The following MDGA2 variants were observed in gnomAD, a reference collection of about 807,000 sequenced individuals.
MDGA2 encodes the protein MAM domain containing glycosylphosphatidylinositol anchor 2, also known as MAM domain-containing glycosylphosphatidylinositol anchor protein 2.
Under a neutral mutation model 117.8 loss-of-function variants are expected in MDGA2, and 40 were observed. The ratio of observed to expected loss-of-function variants is 0.34; its 90% CI spans 0.26 to 0.44. MDGA2 has a LOEUF of 0.44. Among genes scored for constraint, MDGA2 ranks in the 20% least tolerant of loss-of-function variants. MDGA2 has a pLI of 1.00. For missense variants in MDGA2, 1,123 were observed against 1,250.6 expected, an observed-to-expected ratio of 0.90 and a Z score of 1.54; for synonymous variants, 452 against 439.0, an observed-to-expected ratio of 1.03 and a Z score of -0.37.
chr14:47,635,747 T>C (rs1897310741), intron 1 of MDGA2, among the ~76,000 whole-genome samples: 1 of 152,216 alleles, frequency 6.6e-6, no homozygotes, highest in African/African-American at 2.4e-5. Context: ...GAATGTTTTA[T>C]AATCTTGCAA....
At chr14:46,856,584 T>C (rs1881277541) in intron 14 of MDGA2, among the ~76,000 whole-genome samples, 1 of 152,086 alleles carries the variant, frequency 6.6e-6, no homozygotes, top group Non-Finnish European at 1.5e-5. Context: ...TTGGTGAGTT[T>C]CCCTAAGCGT....
chr14:47,364,516 G>A (rs1055989574), intron 1 of MDGA2, among the ~76,000 whole-genome samples: 2 of 152,062 alleles, frequency 1.3e-5, no homozygotes, highest in East Asian at 3.9e-4. Flanking sequence ...CACCCGCCTC[G>A]GCCTCCCAAC....
At chr14:46,958,630 G>C (rs1885658052) in intron 8 of MDGA2, among the ~76,000 whole-genome samples, 1 of 152,240 alleles carries the variant, frequency 6.6e-6, no homozygotes, top group Non-Finnish European at 1.5e-5. Flanking sequence ...GTGGATAACA[G>C]TGTCAGTCAT....
At chr14:47,390,181 T>A (rs1054698108) in intron 1 of MDGA2, among the ~76,000 whole-genome samples, 1 of 152,186 alleles carries the variant, frequency 6.6e-6, no homozygotes, top group Non-Finnish European at 1.5e-5. Flanking sequence ...AATAAGGAAA[T>A]AAACTTTCTC....
intron 9 of MDGA2, among the ~76,000 whole-genome samples, chr14:46,923,714 G>A (rs1884220471): frequency 6.6e-6 from 1 of 151,924 alleles, no homozygotes; most frequent in Non-Finnish European, 1.5e-5. Context: ...TATTGGAAAA[G>A]GGCATCTTAA....
At chr14:47,382,866 A>T (rs1436324078) in intron 1 of MDGA2, among the ~76,000 whole-genome samples, 3 of 152,202 alleles carry the variant, frequency 2.0e-5, no homozygotes, top group Non-Finnish European at 4.4e-5. Flanking sequence ...ACATACCCAA[A>T]GGATTATAAA....
At chr14:47,018,878 A>G (rs1271685876) in intron 8 of MDGA2, among the ~76,000 whole-genome samples, 1 of 152,016 alleles carries the variant, frequency 6.6e-6, no homozygotes, top group East Asian at 1.9e-4. Context: ...CACCAGACAC[A>G]TATGGCTGTC....
At chr14:46,888,410 T>C (rs1484024448) in intron 10 of MDGA2, among the ~76,000 whole-genome samples, 1 of 151,946 alleles carries the variant, frequency 6.6e-6, no homozygotes, top group Non-Finnish European at 1.5e-5. Flanking sequence ...TTTCTTCATG[T>C]CAATTTTAAA....
chr14:47,537,573 TTAAAAAAAAAAAAAAAAA>T (rs1278855944), intron 1 of MDGA2, among the ~76,000 whole-genome samples: 3,292 of 57,070 alleles, frequency 0.058, 159 homozygotes, highest in African/African-American at 0.14. Context: ...CTTCTCTCTG[TTAAAAAAAAAAAAAAAAA>T]AAAAAAAAAA....
At chr14:47,534,963 G>C (rs1407417373) in intron 1 of MDGA2, among the ~76,000 whole-genome samples, 1 of 152,146 alleles carries the variant, frequency 6.6e-6, no homozygotes, top group Non-Finnish European at 1.5e-5. Context: ...AGCTGTTTTT[G>C]AATGCCACTC....
intron 1 of MDGA2, among the ~76,000 whole-genome samples, chr14:47,625,600 A>C (rs777002075): frequency 3.9e-5 from 6 of 152,198 alleles, no homozygotes; most frequent in Non-Finnish European, 8.8e-5. Context: ...AAAGATTCAC[A>C]TGAAACATTT....
intron 3 of MDGA2, among the ~76,000 whole-genome samples, chr14:47,154,561 C>T (rs529276360): frequency 6.6e-6 from 1 of 152,206 alleles, no homozygotes; most frequent in South Asian, 2.1e-4. Flanking sequence ...TGCCTGGCCT[C>T]TCCCGGCTCC....
At chr14:47,103,150 C>T (rs547887333) in intron 5 of MDGA2, among the ~76,000 whole-genome samples, 94 of 152,092 alleles carry the variant, frequency 6.2e-4, no homozygotes, top group Non-Finnish European at 6.3e-4. Context: ...TTATTTAAAC[C>T]ATAGAACACA....
At chr14:46,899,937 A>C (rs1018411063) in intron 10 of MDGA2, among the ~76,000 whole-genome samples, 1 of 152,118 alleles carries the variant, frequency 6.6e-6, no homozygotes, top group Non-Finnish European at 1.5e-5. Context: ...ATATGTAGGA[A>C]AGAAATGTGT....
At chr14:47,052,571 A>G (rs1039853243) in intron 7 of MDGA2, among the ~76,000 whole-genome samples, 1 of 151,972 alleles carries the variant, frequency 6.6e-6, no homozygotes, top group African/African-American at 2.4e-5. Flanking sequence ...CTGAACAATT[A>G]CAGGAAATAA....
At chr14:47,517,563 T>C (rs1258672409) in intron 1 of MDGA2, among the ~76,000 whole-genome samples, 11 of 152,292 alleles carry the variant, frequency 7.2e-5, no homozygotes, top group African/African-American at 1.9e-4. Flanking sequence ...CAAAATATGA[T>C]GTTAAATGAC....
At chr14:46,866,352 A>G (rs1044553078) in intron 14 of MDGA2, among the ~76,000 whole-genome samples, 2 of 152,204 alleles carry the variant, frequency 1.3e-5, no homozygotes, top group Admixed American at 6.5e-5. Flanking sequence ...TAGAAAGCTG[A>G]AACTGGATTC....
chr14:47,588,098 C>A (rs1896360166), intron 1 of MDGA2, among the ~76,000 whole-genome samples: 1 of 151,136 alleles, frequency 6.6e-6, no homozygotes, highest in East Asian at 1.9e-4. Context: ...TATAAATGGC[C>A]CATATTTTAT....
At chr14:46,975,881 A>C (rs974044112) in intron 8 of MDGA2, among the ~76,000 whole-genome samples, 10 of 152,094 alleles carry the variant, frequency 6.6e-5, no homozygotes, top group Non-Finnish European at 1.5e-4. Flanking sequence ...ATGTGGAAGG[A>C]GCAAGACAAC....
Sources: gnomAD v4.1 joint callset for allele counts (sites outside exome capture counted in the v4.1 genomes callset) on GRCh38, gnomAD v4.1.1 for gene constraint, MANE v1.5 for transcripts, NCBI Gene and HGNC (gene_info 2026-07-23, HGNC 2026-07-21) for gene names.